Variants in SEMA3C observed in about 807,000 individuals in gnomAD.
The protein encoded by SEMA3C is semaphorin 3C.
Under a neutral mutation model 89.4 loss-of-function variants are expected in SEMA3C, and 47 were observed. That is an observed-to-expected ratio of 0.53 (90% confidence interval 0.42 to 0.67). The LOEUF (loss-of-function observed/expected upper bound fraction) is 0.67. Among genes scored for constraint, SEMA3C ranks in the 30% least tolerant of loss-of-function variants. The probability of loss-of-function intolerance (pLI) is 0.00; values close to 1 mark genes in which losing one functional copy is unlikely to be tolerated. For missense variants in SEMA3C, 839 were observed against 929.1 expected (o/e 0.90, Z 1.26); for synonymous variants, 310 against 320.2 (o/e 0.97, Z 0.34).
chr7:80,791,010 G>A (rs1455435980), intron 11 of SEMA3C, among the ~76,000 whole-genome samples: 1 of 152,058 alleles, frequency 6.6e-6, no homozygotes, highest in African/African-American at 2.4e-5. Context: ...GATTGTATCT[G>A]GCCTGCAATT....
chr7:80,795,493 A>G (rs1452869792), intron 11 of SEMA3C, among the ~76,000 whole-genome samples: 2 of 152,100 alleles, frequency 1.3e-5, no homozygotes, highest in African/African-American at 4.8e-5. Flanking sequence ...TCTGTTGCAG[A>G]TGTGTGTTGC....
intron 2 of SEMA3C, among the ~76,000 whole-genome samples, chr7:80,836,721 C>T (rs1790138885): frequency 6.8e-6 from 1 of 148,144 alleles, no homozygotes; most frequent in Admixed American, 6.7e-5. Context: ...CAAAAACAGA[C>T]AGACAGCAGT....
intron 10 of SEMA3C, among the ~76,000 whole-genome samples, chr7:80,799,003 AT>A (rs1465564127): frequency 1.3e-5 from 2 of 152,226 alleles, no homozygotes; most frequent in African/African-American, 4.8e-5. Context: ...CAGAATGATG[AT>A]TTTGAATTTT....
At chr7:80,879,173 A>G (rs1243903203) in intron 2 of SEMA3C, among the ~76,000 whole-genome samples, 1 of 152,142 alleles carries the variant, frequency 6.6e-6, no homozygotes, top group African/African-American at 2.4e-5. Context: ...AGAAGGCAGC[A>G]ACTGCTAGAA....
intron 4 of SEMA3C, 91 bp from the exon 5 acceptor site, chr7:80,818,509 G>A (rs370594072): frequency 4.9e-6 from 7 of 1,414,878 alleles, no homozygotes; most frequent in Non-Finnish European, 1.9e-6. Flanking sequence ...TGTATGATAA[G>A]TAACAATGAG....
chr7:80,800,149 T>C (rs548788882), intron 10 of SEMA3C, among the ~76,000 whole-genome samples: 5 of 135,600 alleles, frequency 3.7e-5, no homozygotes, highest in African/African-American at 5.5e-5. Context: ...CGAGACTCCA[T>C]CTCAAAAAAA....
At chr7:80,881,205 A>T (rs1243964785) in intron 2 of SEMA3C, among the ~76,000 whole-genome samples, 1,606 of 144,152 alleles carry the variant, frequency 0.011, 24 homozygotes, top group African/African-American at 0.041. Context: ...ACACACACAC[A>T]CACACTCTCT....
chr7:80,883,329 A>G (rs906965775), intron 2 of SEMA3C, among the ~76,000 whole-genome samples: 14 of 152,340 alleles, frequency 9.2e-5, no homozygotes, highest in African/African-American at 3.4e-4. Flanking sequence ...ATCTGAGGAC[A>G]GAAGCACACA....
intron 2 of SEMA3C, among the ~76,000 whole-genome samples, chr7:80,906,672 C>T (rs1403070382): frequency 6.6e-6 from 1 of 152,136 alleles, no homozygotes; most frequent in African/African-American, 2.4e-5. Flanking sequence ...GTGTTGAATA[C>T]ATTATCAGAA....
At chr7:80,770,237 G>A (rs567872192) in intron 12 of SEMA3C, among the ~76,000 whole-genome samples, 1 of 152,188 alleles carries the variant, frequency 6.6e-6, no homozygotes, top group Non-Finnish European at 1.5e-5. Flanking sequence ...TTGAGAGACA[G>A]GCATTCCAGA....
At chr7:80,921,184 T>A (rs1309295944), upstream of SEMA3C, among the ~76,000 whole-genome samples, 1 of 152,188 alleles carries the variant, frequency 6.6e-6, no homozygotes, top group East Asian at 1.9e-4. Flanking sequence ...ACAAATAGCT[T>A]AGATTTAATC....
chr7:80,863,887 A>ACATACATATG (rs1790852839), intron 2 of SEMA3C, among the ~76,000 whole-genome samples: 80 of 131,676 alleles, frequency 6.1e-4, no homozygotes, highest in South Asian at 1.5e-3. Flanking sequence ...TATCACATAT[A>ACATACATATG]TATCACACAT....
intron 5 of SEMA3C, among the ~76,000 whole-genome samples, chr7:80,812,596 C>T (rs17154487): frequency 1.3e-5 from 2 of 152,070 alleles, no homozygotes; most frequent in Non-Finnish European, 2.9e-5. Flanking sequence ...CTCAACTGAC[C>T]TACTCCTACA....
At chr7:80,897,415 T>C (rs1298624627) in intron 2 of SEMA3C, among the ~76,000 whole-genome samples, 1 of 152,114 alleles carries the variant, frequency 6.6e-6, no homozygotes, top group Non-Finnish European at 1.5e-5. Context: ...AGAGATTCAG[T>C]AGTAAAAGAG....
chr7:80,863,944 TATGTATATCACATGTATATCA>T (rs1790860811), intron 2 of SEMA3C, among the ~76,000 whole-genome samples: 1 of 138,464 alleles, frequency 7.2e-6, no homozygotes, highest in Admixed American at 7.2e-5. Context: ...ACATATATAA[TATGTATATCACATGTATATCA>T]CATATATATC....
At chr7:80,795,971 C>T (rs2115628752) in intron 11 of SEMA3C, among the ~76,000 whole-genome samples, 1 of 152,304 alleles carries the variant, frequency 6.6e-6, no homozygotes, top group South Asian at 2.1e-4. Context: ...GCATGAGGCT[C>T]TGAGGCCTCA....
rs111360037 is a variant in SEMA3C, at chr7:80,811,123, T to C, written c.448-422A>G. Among the ~76,000 whole-genome samples, 49 of 152,310 alleles carry C rather than the reference T, an allele frequency of 3.2e-4. 1 individual carries two copies. The highest frequency in any genetic ancestry group is 1.1e-3 in the African/African-American group (47 of 41,572). The stretch of plus-strand genomic sequence containing the variant: ...ATTTTTTTAAAAATAGCATTTTATG[T>C]TACTGTTTAATTTTATCATATAAAG... On this transcript the variant is annotated intron_variant, in intron 5 of 17. Transcript: ENST00000265361.
chr7:80,782,824 T>A (rs1353654928), intron 12 of SEMA3C, among the ~76,000 whole-genome samples: 1 of 152,192 alleles, frequency 6.6e-6, no homozygotes, highest in Non-Finnish European at 1.5e-5. Flanking sequence ...ATTCTTCATA[T>A]GATATTTATA....
chr7:80,855,695 C>A (rs1228979956), intron 2 of SEMA3C, among the ~76,000 whole-genome samples: 1 of 152,156 alleles, frequency 6.6e-6, no homozygotes, highest in Non-Finnish European at 1.5e-5. Flanking sequence ...TCTTCTGAAT[C>A]TCAAGGCTGG....
Sources: allele counts gnomAD v4.1 joint callset (sites outside exome capture counted in the v4.1 genomes callset), GRCh38; gene constraint gnomAD v4.1.1; transcripts MANE v1.5; gene names NCBI Gene and HGNC (gene_info 2026-07-23, HGNC 2026-07-21).